The following GTF2A1 variants were observed in gnomAD, a reference collection of about 807,000 sequenced individuals.
GTF2A1 encodes transcription initiation factor IIA subunit 1.
Under a neutral mutation model 54.1 loss-of-function variants are expected in GTF2A1, and 12 were observed. The ratio of observed to expected loss-of-function variants is 0.22; its 90% confidence interval spans 0.14 to 0.36. The LOEUF is 0.36. Among genes scored for constraint, GTF2A1 ranks in the 10% least tolerant of loss-of-function variants. The probability of loss-of-function intolerance (pLI) is 1.00; values close to 1 mark genes in which losing one functional copy is unlikely to be tolerated. For synonymous variants in GTF2A1, 145 were observed against 152.0 expected (o/e 0.95, Z 0.34); for missense variants, 335 against 442.2 (o/e 0.76, Z 2.17).
intron 2 of GTF2A1, among the ~76,000 whole-genome samples, chr14:81,208,899 T>C (rs1436433766): frequency 6.6e-6 from 1 of 151,654 alleles, no homozygotes; most frequent in African/African-American, 2.4e-5. Context: ...ACCCAATAAC[T>C]GTACCCCCAT....
chr14:81,196,649 C>A (rs11850714), intron 5 of GTF2A1, among the ~76,000 whole-genome samples: 1 of 151,920 alleles, frequency 6.6e-6, no homozygotes, highest in Non-Finnish European at 1.5e-5. Context: ...ATATCTTGAA[C>A]CAAACAAAGC....
At chr14:81,192,402 A>G in intron 7 of GTF2A1, 117 bp downstream of exon 7, 1 of 726,320 alleles carries the variant, frequency 1.4e-6, no homozygotes, top group South Asian at 2.0e-5. Context: ...TTAAAATCTT[A>G]TGTTGTACAG....
intron 1 of GTF2A1, among the ~76,000 whole-genome samples, chr14:81,218,275 G>A (rs995744318): frequency 2.0e-5 from 3 of 152,092 alleles, no homozygotes; most frequent in African/African-American, 7.2e-5. Flanking sequence ...ACATGTGTAG[G>A]TATAAATCTG....
At chr14:81,213,324 T>G (rs1488929984) in intron 2 of GTF2A1, among the ~76,000 whole-genome samples, 1 of 12,676 alleles carries the variant, frequency 7.9e-5, no homozygotes, top group African/African-American at 4.6e-4. Context: ...GGTGGAAACA[T>G]TTGGTCTCAA....
Position 81,202,610 on chromosome 14 carries a change from T to C in GTF2A1, c.338-952A>G, listed in dbSNP as rs917924570. The C allele has an allele frequency of 2.8e-4, 142 of 503,548 alleles. 2 individuals carry two copies. Among genetic ancestry groups the C allele is most frequent in the Middle Eastern group, 7.2e-4 (2 of 2,770 alleles). The allele number at this position is 503,548 out of a possible 1,614,324, so 31.2% of individuals were successfully genotyped here. On this transcript the variant is annotated intron_variant, in intron 3 of 8. Transcript: ENST00000553612. The stretch of plus-strand genomic sequence containing the variant: ...CTCCTGAAAGCAGGGGACCACCAGG[T>C]TGCCTGAAGAGTGGTAAACCGGCAA...
At chr14:81,212,803 T>C (rs975426930) in intron 2 of GTF2A1, among the ~76,000 whole-genome samples, 1 of 152,248 alleles carries the variant, frequency 6.6e-6, no homozygotes, top group Admixed American at 6.5e-5. Flanking sequence ...GTTCCTCAGT[T>C]CCACCAACCA....
At chr14:81,201,220 A>G (rs1445808750) in intron 4 of GTF2A1, among the ~76,000 whole-genome samples, 6 of 152,156 alleles carry the variant, frequency 3.9e-5, no homozygotes, top group Non-Finnish European at 8.8e-5. Flanking sequence ...TATCCAGTCT[A>G]TCTTCATTTT....
rs1278902352 is a variant in GTF2A1 at position 81,179,032 on chromosome 14, A to T, written c.*1191T>A. 1 of 152,200 alleles carries T rather than the reference A, an allele frequency of 6.6e-6. No homozygotes were observed. Among genetic ancestry groups the T allele is most frequent in the Non-Finnish European group, 1.5e-5 (1 of 68,024 alleles). The allele number at this position is 152,200 out of a possible 1,614,324, so 9.4% of individuals were successfully genotyped here. A position where few individuals can be genotyped will look rare whatever the true frequency, so the allele number is the denominator to read the frequency against. On this transcript the variant is annotated 3_prime_UTR_variant, in exon 9 of 9. Transcript: ENST00000553612. The stretch of plus-strand genomic sequence containing the variant: ...GCTTTCTTCCCAATGTGCAAACTGG[A>T]GCCAACGTCTTTATTTTCAATGGCC...
intron 8 of GTF2A1, among the ~76,000 whole-genome samples, chr14:81,183,168 G>GT (rs1445631414): frequency 1.3e-5 from 2 of 152,160 alleles, no homozygotes; most frequent in Non-Finnish European, 2.9e-5. Context: ...GATCATTAGT[G>GT]TATCTCAAGC....
chr14:81,217,053 G>C (rs982414301), intron 1 of GTF2A1, among the ~76,000 whole-genome samples: 1 of 152,154 alleles, frequency 6.6e-6, no homozygotes, highest in Non-Finnish European at 1.5e-5. Context: ...CACAATGGCA[G>C]GTCTTAAGGT....
intron 1 of GTF2A1, among the ~76,000 whole-genome samples, chr14:81,217,218 G>A (rs1893505981): frequency 6.6e-6 from 1 of 152,218 alleles, no homozygotes; most frequent in Non-Finnish European, 1.5e-5. Flanking sequence ...GGAGCGGGAA[G>A]TAAAGAAGCT....
rs192165380 is a variant in GTF2A1 at position 81,189,398 on chromosome 14, G to A, written c.933+3121C>T. Among the ~76,000 whole-genome samples, 36 of 152,266 alleles carry A rather than the reference G, an allele frequency of 2.4e-4. No homozygotes were observed. In the East Asian group the frequency reaches 4.8e-3, roughly 20 times the overall value. On this transcript the variant is annotated intron_variant, in intron 7 of 8. Transcript: ENST00000553612. ...TAAAAAATGGATCAAGTGGCCAGGC[G>A]CGGTGGCTCATGCCTATAATCCCAG... is the stretch of plus-strand genomic sequence containing the variant.
chr14:81,214,678 GA>G (rs1239179416), intron 2 of GTF2A1, among the ~76,000 whole-genome samples: 1 of 151,294 alleles, frequency 6.6e-6, no homozygotes, highest in Non-Finnish European at 1.5e-5. Flanking sequence ...GACCCTCAAA[GA>G]GCTTTTCTGT....
intron 1 of GTF2A1, among the ~76,000 whole-genome samples, chr14:81,219,639 C>G (rs1036934391): frequency 2.0e-5 from 3 of 152,136 alleles, no homozygotes; most frequent in South Asian, 2.1e-4. Flanking sequence ...GTTTTATTGT[C>G]ATCATAAAAA....
intron 2 of GTF2A1, among the ~76,000 whole-genome samples, chr14:81,208,411 C>T (rs902867980): frequency 1.3e-5 from 2 of 152,206 alleles, no homozygotes; most frequent in African/African-American, 4.8e-5. Flanking sequence ...ATGGAAACGC[C>T]TGGATGCCCA....
chr14:81,207,854 T>C (rs1566859630), intron 2 of GTF2A1, among the ~76,000 whole-genome samples: 2 of 152,220 alleles, frequency 1.3e-5, no homozygotes, highest in Admixed American at 1.3e-4. Context: ...AACTTTGAAC[T>C]TGAGAGATGA....
chr14:81,212,649 GC>G lies in GTF2A1; in HGVS notation c.132+3763del, dbSNP rs531114422. On this transcript the variant is annotated intron_variant, in intron 2 of 8. Transcript: ENST00000553612. ...ATGGCCCCAGAAAGTAGGGAGAGGGGCTAGAGCTAATGACAGGCTTTCTAAA... is the reference window on the plus strand; with the variant it reads ...ATGGCCCCAGAAAGTAGGGAGAGGGGTAGAGCTAATGACAGGCTTTCTAAA... 1.0e-3 allele frequency among the ~76,000 whole-genome samples: 154 copies of G among 152,340 alleles called. 1 individual carries two copies. The highest frequency in any genetic ancestry group is 3.6e-3 in the African/African-American group (148 of 41,574).
chr14:81,205,119 TA>T (rs1893201745), intron 2 of GTF2A1, among the ~76,000 whole-genome samples: 1 of 152,086 alleles, frequency 6.6e-6, no homozygotes, highest in East Asian at 1.9e-4. Flanking sequence ...TTTATTTTTT[TA>T]TTTTTTTTTT....
rs1892597483 is a variant in GTF2A1 at position 81,179,584 on chromosome 14, C to G, written c.*639G>C. 6.6e-6 allele frequency: 1 copy of G among 152,076 alleles called. No individual in the cohort carries two copies. Among genetic ancestry groups the G allele is most frequent in the Non-Finnish European group, 1.5e-5 (1 of 68,018 alleles). 9.4% of individuals were successfully genotyped at this position (152,076 alleles called of 1,614,324 possible). On this transcript the variant is annotated 3_prime_UTR_variant, in exon 9 of 9. Transcript: ENST00000553612. Reference sequence around the variant, plus strand: ...AACCTAATTAAAATAAATATTCATTCCTGGGTCAAATTTTATCTCCAAACT... The same window carrying G: ...AACCTAATTAAAATAAATATTCATTGCTGGGTCAAATTTTATCTCCAAACT...
Sources: allele counts gnomAD v4.1 joint callset (sites outside exome capture counted in the v4.1 genomes callset), GRCh38; gene constraint gnomAD v4.1.1; transcripts MANE v1.5; gene names NCBI Gene and HGNC (gene_info 2026-07-23, HGNC 2026-07-21).